The following XIAP variants were observed in gnomAD, a reference collection of about 807,000 sequenced individuals.
XIAP encodes the protein E3 ubiquitin-protein ligase XIAP.
Under a neutral mutation model 33.1 loss-of-function variants are expected in XIAP, and 3 were observed. The ratio of observed to expected loss-of-function variants is 0.09; its 90% CI spans 0.04 to 0.23. The LOEUF (loss-of-function observed/expected upper bound fraction) is 0.23, where lower values mean the gene tolerates loss of function less well. XIAP is among the 10% of genes least tolerant of loss of function. XIAP has a pLI of 1.00. For synonymous variants in XIAP, 98 were observed against 121.3 expected, an observed-to-expected ratio of 0.81 and a Z score of 1.26; for missense variants, 264 against 363.0, an observed-to-expected ratio of 0.73 and a Z score of 2.22.
chrX:123,896,652 C>T (rs2053463128), intron 5 of XIAP, among the ~76,000 whole-genome samples: 1 of 103,635 alleles, frequency 9.6e-6, no homozygotes, highest in South Asian at 4.7e-4. Context: ...ATGATCTCTG[C>T]TCACTGCAAC....
intron 1 of XIAP, among the ~76,000 whole-genome samples, chrX:123,862,852 T>C (rs755926863): frequency 9.7e-6 from 1 of 103,125 alleles, no homozygotes. Context: ...TGCACCTTTG[T>C]CCCGAAAAAA....
chrX:123,869,362 CAAAA>C (rs57436822), intron 1 of XIAP, among the ~76,000 whole-genome samples: 4 of 29,723 alleles, frequency 1.3e-4, no homozygotes, highest in Non-Finnish European at 2.2e-4. Flanking sequence ...TAAAAAAATA[CAAAA>C]AAAAAAAAAA....
chrX:123,882,082 A>G (rs1426485436), intron 1 of XIAP, among the ~76,000 whole-genome samples: 2 of 112,015 alleles, frequency 1.8e-5, no homozygotes, highest in East Asian at 2.8e-4. Flanking sequence ...TTGACTTGAA[A>G]TAAAATTTAA....
intron 1 of XIAP, among the ~76,000 whole-genome samples, chrX:123,862,374 ATT>A (rs1379059878): frequency 5.3e-5 from 5 of 94,203 alleles, no homozygotes; most frequent in Admixed American, 1.2e-4. Context: ...TGGCCAGTCC[ATT>A]TTTTTTTTTT....
chrX:123,900,132 T>G (rs982604058), intron 5 of XIAP, among the ~76,000 whole-genome samples: 1 of 112,295 alleles, frequency 8.9e-6, no homozygotes, highest in Non-Finnish European at 1.9e-5. Context: ...AGTGACTCAG[T>G]AACAACATCC....
rs35818460 is a variant in XIAP, at chrX:123,873,034, AT to A, written c.-32-12583del. On this transcript the variant is annotated intron_variant, in intron 1 of 6. Coordinates refer to ENST00000371199, the MANE Select transcript of XIAP (RefSeq NM_001167.4). The stretch of plus-strand genomic sequence containing the variant: ...TGCAACCATGCCCGACTAATTTTTA[AT>A]TTTTTTTTTTTTTGAGACGAAATTT... The A allele has an allele frequency of 2.6e-3, 258 of 99,445 alleles. 2 individuals are homozygous for A. Among genetic ancestry groups the A allele is most frequent in the African/African-American group, 8.5e-3 (228 of 26,945 alleles). The allele number at this position is 99,445 out of a possible 1,213,427, so 8.2% of individuals were successfully genotyped here.
chrX:123,908,785 G>T lies in XIAP; in HGVS notation c.*1604G>T, dbSNP rs1329018143. On this transcript the variant is annotated 3_prime_UTR_variant, in exon 7 of 7. Transcript: ENST00000371199. ...AAACACTTGAATAAGAATCAGTAGGGTATAAACTAGAAGTTTAAAAATGCT... is the reference window on the plus strand; with the variant it reads ...AAACACTTGAATAAGAATCAGTAGGTTATAAACTAGAAGTTTAAAAATGCT... The T allele has an allele frequency of 2.9e-6, 1 of 348,492 alleles. No individual in the cohort carries two copies. The highest frequency in any genetic ancestry group is 5.5e-6 in the Non-Finnish European group (1 of 182,249). 28.7% of individuals were successfully genotyped at this position (348,492 alleles called of 1,213,427 possible). A position where few individuals can be genotyped will look rare whatever the true frequency, so the allele number is the denominator to read the frequency against.
intron 5 of XIAP, among the ~76,000 whole-genome samples, chrX:123,896,057 C>T (rs1371623358): frequency 1.9e-5 from 2 of 103,428 alleles, no homozygotes; most frequent in Admixed American, 2.1e-4. Context: ...CCACCATGCC[C>T]GACCCATTTT....
Position 123,912,686 on chromosome X carries a change from G to GT in XIAP, c.*5519dup, listed in dbSNP as rs374013599. Reference sequence around the variant, plus strand: ...TGTGCATACATTATATGCAAATACTGTTTTTTTTTTTTTTAATTTAAACAG... The same window carrying GT: ...TGTGCATACATTATATGCAAATACTGTTTTTTTTTTTTTTTAATTTAAACAG... On this transcript the variant is annotated 3_prime_UTR_variant, in exon 7 of 7. Transcript: ENST00000371199. 3,786 of 214,163 alleles carry GT rather than the reference G, an allele frequency of 0.018. 16 individuals are homozygous for GT. The highest frequency in any genetic ancestry group is 0.05 in the East Asian group (260 of 5,237). The allele number at this position is 214,163 out of a possible 1,213,427, so 17.6% of individuals were successfully genotyped here.
chrX:123,891,385 TTTATA>T (rs1260790922), intron 4 of XIAP, 69 bp downstream of exon 4: 15 of 516,744 alleles, frequency 2.9e-5, no homozygotes, highest in South Asian at 3.7e-5. Context: ...CATTATGTAG[TTTATA>T]TTATATCATT....
intron 1 of XIAP, among the ~76,000 whole-genome samples, chrX:123,872,197 C>T (rs764254412): frequency 1.8e-4 from 20 of 111,100 alleles, no homozygotes; most frequent in Non-Finnish European, 3.6e-4. Context: ...CCAAAGTTCG[C>T]GGATACTTCT....
intron 1 of XIAP, among the ~76,000 whole-genome samples, chrX:123,867,401 G>A (rs2148072029): frequency 9.8e-6 from 1 of 102,110 alleles, no homozygotes; most frequent in African/African-American, 3.6e-5. Flanking sequence ...TTTAGACAGA[G>A]TCTCACTCTG....
intron 1 of XIAP, among the ~76,000 whole-genome samples, chrX:123,882,783 T>G (rs777609171): frequency 8.9e-6 from 1 of 112,236 alleles, no homozygotes; most frequent in Non-Finnish European, 1.9e-5. Context: ...TGCAACAGAT[T>G]TTTTTTGTTT....
At chrX:123,890,152 GA>G (rs369898763) in intron 3 of XIAP, among the ~76,000 whole-genome samples, 18,807 of 99,347 alleles carry the variant, frequency 0.19, 1,426 homozygotes, top group South Asian at 0.39. Context: ...GAGTAGCTGG[GA>G]CTACAGGCGC....
At chrX:123,878,024 G>T (rs948241591) in intron 1 of XIAP, among the ~76,000 whole-genome samples, 1 of 110,704 alleles carries the variant, frequency 9.0e-6, no homozygotes, top group Non-Finnish European at 1.9e-5. Context: ...AATTCACTGG[G>T]CTCTGTGAAA....
intron 1 of XIAP, among the ~76,000 whole-genome samples, chrX:123,866,164 C>T (rs1171830290): frequency 9.1e-6 from 1 of 109,951 alleles, no homozygotes; most frequent in Non-Finnish European, 1.9e-5. Flanking sequence ...TGGCCTCGAA[C>T]TCCTGACCTC....
chrX:123,903,553 C>T (rs1439709166), intron 6 of XIAP, among the ~76,000 whole-genome samples: 6 of 107,357 alleles, frequency 5.6e-5, no homozygotes, highest in East Asian at 5.7e-4. Flanking sequence ...CCTAGGATCA[C>T]GCCGATAGTT....
intron 5 of XIAP, among the ~76,000 whole-genome samples, chrX:123,898,703 C>T (rs1267587793): frequency 7.4e-5 from 8 of 107,863 alleles, no homozygotes; most frequent in Non-Finnish European, 1.5e-4. Context: ...ACTTTGTTGA[C>T]CAGGGTGGTT....
At chrX:123,893,360 A>G (rs889728695) in intron 5 of XIAP, among the ~76,000 whole-genome samples, 13 of 106,955 alleles carry the variant, frequency 1.2e-4, no homozygotes, top group Non-Finnish European at 5.8e-5. Flanking sequence ...TCTACTAAAA[A>G]TACAAAAAAA....
Sources: gnomAD v4.1 joint callset for allele counts (sites outside exome capture counted in the v4.1 genomes callset) on GRCh38, gnomAD v4.1.1 for gene constraint, MANE v1.5 for transcripts, NCBI Gene and HGNC (gene_info 2026-07-23, HGNC 2026-07-21) for gene names.